MRPS6: variants seen among roughly 807,000 people sequenced by gnomAD.
MRPS6 encodes the protein small ribosomal subunit protein bS6m.
MRPS6 carries 6 observed loss-of-function variants against 13.1 expected under a neutral mutation model. The observed-to-expected ratio is 0.46, with a 90% CI of 0.25 to 0.91. MRPS6 has a LOEUF of 0.91. Ranked by LOEUF, MRPS6 falls within the 40% of genes least tolerant of loss-of-function variation. The pLI is 0.18. For synonymous variants in MRPS6, 61 were observed against 56.5 expected (o/e 1.08, Z -0.36); for missense variants, 164 against 155.6 (o/e 1.05, Z -0.29).
intron 1 of MRPS6, among the ~76,000 whole-genome samples, chr21:34,089,237 C>T (rs193033359): frequency 2.0e-5 from 3 of 152,018 alleles, no homozygotes; most frequent in African/African-American, 7.2e-5. Context: ...AGGCAGGTCT[C>T]GAACTCCTGG....
intron 1 of MRPS6, among the ~76,000 whole-genome samples, chr21:34,079,558 C>T (rs1469787087): frequency 6.6e-6 from 1 of 150,984 alleles, no homozygotes; most frequent in Non-Finnish European, 1.5e-5. Context: ...GTCTCAGCCT[C>T]CCAAGTAGCT....
chr21:34,080,244 T>A (rs1989428836), intron 1 of MRPS6, among the ~76,000 whole-genome samples: 1 of 152,218 alleles, frequency 6.6e-6, no homozygotes, highest in Non-Finnish European at 1.5e-5. Context: ...CCCATACTAA[T>A]TGATTGTATC....
At chr21:34,099,989 G>T in intron 1 of MRPS6, 1 of 569,132 alleles carries the variant, frequency 1.8e-6, no homozygotes. Context: ...GATCATACAT[G>T]GACTGTCTTA....
chr21:34,141,172 C>T (rs975840227), intron 2 of MRPS6, among the ~76,000 whole-genome samples: 9 of 152,342 alleles, frequency 5.9e-5, no homozygotes, highest in East Asian at 1.9e-4. Context: ...GGACCTGCTC[C>T]GTGTTCGTCT....
rs780323643 is a variant in MRPS6 at position 34,073,718 on chromosome 21, G to A, written c.18G>A (p.Leu6=). ...CTCCAGGCATGCCCCGCTACGAGCT[G>A]GCTTTAATCCTGAAAGCCATGCAGC... The part of the protein sequence containing the change: MPRYE[L]ALILKAMQRP... Residue 6 remains leucine, a synonymous_variant, in exon 1 of 3, where the codon CTG becomes CTA. Transcript: ENST00000399312. The A allele has an allele frequency of 5.2e-6, 8 of 1,529,774 alleles. No homozygotes were observed. The Middle Eastern group carries it at 5.8e-4, about 112-fold the overall frequency. 94.8% of individuals were successfully genotyped at this position (1,529,774 alleles called of 1,614,324 possible).
chr21:34,091,068 A>C (rs1026906335), intron 1 of MRPS6, among the ~76,000 whole-genome samples: 2 of 152,226 alleles, frequency 1.3e-5, no homozygotes, highest in African/African-American at 4.8e-5. Flanking sequence ...TAACCCTTCA[A>C]TTATTAGCTG....
intron 1 of MRPS6, among the ~76,000 whole-genome samples, chr21:34,075,611 C>A (rs1013915680): frequency 6.6e-6 from 1 of 152,014 alleles, no homozygotes; most frequent in Non-Finnish European, 1.5e-5. Context: ...GAAAGAGGCC[C>A]CATGGCAGTA....
Position 34,096,932 on chromosome 21 carries a change from T to C in MRPS6, c.45+23187T>C, listed in dbSNP as rs1978990748. 1 of 1,614,124 alleles carries C rather than the reference T, an allele frequency of 6.2e-7. No homozygotes were observed. On this transcript the variant is annotated intron_variant, in intron 1 of 2. Coordinates refer to ENST00000399312, the MANE Select transcript of MRPS6 (RefSeq NM_032476.4). This position sits in a 1 kb window ranked among gnomAD's most constrained non-coding sequence, Gnocchi z 5.9. ...AGAGCATTCTGAGATGCAGTGAGAA[T>C]AATGAGACCATCAACCACATCATTC... is the stretch of plus-strand genomic sequence containing the variant.
intron 1 of MRPS6, chr21:34,095,928 A>G: frequency 6.2e-7 from 1 of 1,614,096 alleles, no homozygotes; most frequent in Non-Finnish European, 8.5e-7. Flanking sequence ...TGTCTCCCCT[A>G]AGAAAGAAGC....
At chr21:34,077,123 C>G (rs1989351082) in intron 1 of MRPS6, among the ~76,000 whole-genome samples, 1 of 152,150 alleles carries the variant, frequency 6.6e-6, no homozygotes, top group African/African-American at 2.4e-5. Context: ...TGAGTGAGCT[C>G]TCTTGTGAGT....
At chr21:34,090,130 A>G (rs1978608762) in intron 1 of MRPS6, among the ~76,000 whole-genome samples, 1 of 152,242 alleles carries the variant, frequency 6.6e-6, no homozygotes, top group South Asian at 2.1e-4. Flanking sequence ...CATTAGGGAT[A>G]CTTAATCTGT....
intron 1 of MRPS6, among the ~76,000 whole-genome samples, chr21:34,086,145 A>T (rs182437525): frequency 2.6e-5 from 4 of 152,098 alleles, no homozygotes; most frequent in Non-Finnish European, 4.4e-5. Flanking sequence ...TGCTGTTTAT[A>T]TATATTCTTC....
At chr21:34,074,491 G>A (rs867388970) in intron 1 of MRPS6, among the ~76,000 whole-genome samples, 72 of 152,326 alleles carry the variant, frequency 4.7e-4, no homozygotes, top group African/African-American at 1.7e-3. Context: ...GGGATTTCAG[G>A]TTTGGAGGGA....
chr21:34,131,519 G>T (rs1980501752), intron 2 of MRPS6, among the ~76,000 whole-genome samples: 1 of 152,096 alleles, frequency 6.6e-6, no homozygotes, highest in South Asian at 2.1e-4. Flanking sequence ...CAGGGAGCGG[G>T]CATCAAGGGA....
At chr21:34,137,099 G>A (rs538457862) in intron 2 of MRPS6, among the ~76,000 whole-genome samples, 1 of 152,098 alleles carries the variant, frequency 6.6e-6, no homozygotes, top group Non-Finnish European at 1.5e-5. Context: ...TTGAAATCAG[G>A]TGGTGTTAGT....
chr21:34,079,602 A>ATTTT (rs398036389), intron 1 of MRPS6, among the ~76,000 whole-genome samples: 838 of 43,674 alleles, frequency 0.019, 74 homozygotes, highest in African/African-American at 0.057. Flanking sequence ...GACCCAGCTA[A>ATTTT]TTTTTTTTTT....
intron 1 of MRPS6, chr21:34,101,089 T>A: frequency 4.0e-6 from 4 of 1,000,064 alleles, no homozygotes; most frequent in Non-Finnish European, 4.8e-6. Flanking sequence ...TTAAATTACG[T>A]GACTACAGAG....
chr21:34,092,036 A>C (rs16991190), intron 1 of MRPS6, among the ~76,000 whole-genome samples: 1,753 of 152,224 alleles, frequency 0.012, 38 homozygotes, highest in South Asian at 0.08. Flanking sequence ...AGATTCTTCC[A>C]TGTGTATTCT....
intron 1 of MRPS6, chr21:34,125,113 G>T (rs929129257): frequency 3.2e-6 from 2 of 624,590 alleles, no homozygotes; most frequent in Admixed American, 7.6e-5. Flanking sequence ...ACTCTCCGAA[G>T]CCTGGTTCTT....
Sources: allele counts gnomAD v4.1 joint callset (sites outside exome capture counted in the v4.1 genomes callset), GRCh38; gene constraint gnomAD v4.1.1; non-coding constraint Gnocchi (gnomAD v3.1); transcripts MANE v1.5; gene names NCBI Gene and HGNC (gene_info 2026-07-23, HGNC 2026-07-21).